FSTL4: variants seen among roughly 807,000 people sequenced by gnomAD.
FSTL4 encodes follistatin like 4.
Under a neutral mutation model 78.2 loss-of-function variants are expected in FSTL4, and 28 were observed. The observed-to-expected ratio is 0.36, with a 90% CI of 0.27 to 0.49. The LOEUF (loss-of-function observed/expected upper bound fraction) is 0.49, where lower values mean the gene tolerates loss of function less well. FSTL4 is among the 20% of genes least tolerant of loss of function. The probability of loss-of-function intolerance (pLI) is 0.98; values close to 1 mark genes in which losing one functional copy is unlikely to be tolerated. For synonymous variants in FSTL4, 422 were observed against 440.5 expected (o/e 0.96, Z 0.53); for missense variants, 922 against 1,084.9 (o/e 0.85, Z 2.11).
intron 7 of FSTL4, 33 bp from the exon 8 acceptor site, chr5:133,233,570 C>T (rs201789610): frequency 2.6e-6 from 1 of 383,192 alleles, no homozygotes; most frequent in African/African-American, 6.4e-5. Flanking sequence ...TGAGACTGGC[C>T]TCTTTATTGA....
intron 7 of FSTL4, 52 bp downstream of exon 7, chr5:133,249,358 T>A (rs1752139246): frequency 2.8e-6 from 4 of 1,428,772 alleles, no homozygotes; most frequent in Admixed American, 1.7e-5. Flanking sequence ...TTACCCAGTG[T>A]ACTCTCCCAG....
the FSTL4 span, among the ~76,000 whole-genome samples, chr5:133,766,858 G>A: frequency 4.2e-4 from 64 of 152,276 alleles, no homozygotes; most frequent in African/African-American, 1.3e-3. Flanking sequence ...GGGAGTGCCG[G>A]GTGGGTTCTT....
chr5:133,656,917 G>T, the FSTL4 span, among the ~76,000 whole-genome samples: 1 of 152,194 alleles, frequency 6.6e-6, no homozygotes, highest in Non-Finnish European at 1.5e-5. Flanking sequence ...TGTTTTAGTT[G>T]TGGTTGGATT....
chr5:133,206,889 T>C (rs1250793131), intron 14 of FSTL4, among the ~76,000 whole-genome samples: 1 of 151,342 alleles, frequency 6.6e-6, no homozygotes, highest in Non-Finnish European at 1.5e-5. Flanking sequence ...AATTCCTTGG[T>C]ACAGCTTTCT....
intron 4 of FSTL4, among the ~76,000 whole-genome samples, chr5:133,385,531 A>G (rs1347569246): frequency 6.6e-6 from 1 of 152,092 alleles, no homozygotes; most frequent in Non-Finnish European, 1.5e-5. Flanking sequence ...AGAACCCAAC[A>G]TGGGCTGCAC....
chr5:133,783,504 G>A, the FSTL4 span, among the ~76,000 whole-genome samples: 51 of 152,268 alleles, frequency 3.3e-4, no homozygotes, highest in African/African-American at 1.2e-3. Flanking sequence ...CAAACACACG[G>A]CCTCACATGT....
intron 4 of FSTL4, among the ~76,000 whole-genome samples, chr5:133,395,311 G>A (rs1755993817): frequency 1.3e-5 from 2 of 152,112 alleles, no homozygotes; most frequent in Non-Finnish European, 2.9e-5. Flanking sequence ...AACCCAGCGG[G>A]AGGAATGAAC....
At chr5:133,319,104 A>C (rs1753982867) in intron 4 of FSTL4, among the ~76,000 whole-genome samples, 1 of 152,206 alleles carries the variant, frequency 6.6e-6, no homozygotes, top group Non-Finnish European at 1.5e-5. Context: ...GGGGTGCTGC[A>C]GCATCCTCCC....
chr5:133,377,169 C>G (rs1755455062), intron 4 of FSTL4, among the ~76,000 whole-genome samples: 1 of 152,198 alleles, frequency 6.6e-6, no homozygotes. Context: ...GTCTGGGGCT[C>G]TCATCTTCCA....
the FSTL4 span, among the ~76,000 whole-genome samples, chr5:133,766,869 T>C: frequency 6.6e-6 from 1 of 152,212 alleles, no homozygotes; most frequent in Non-Finnish European, 1.5e-5. Flanking sequence ...GTGGGTTCTT[T>C]TGATGCTTCC....
intron 4 of FSTL4, among the ~76,000 whole-genome samples, chr5:133,352,405 C>CAT (rs1358562116): frequency 5.0e-4 from 75 of 149,622 alleles, no homozygotes; most frequent in Middle Eastern, 3.5e-3. Context: ...TATATATACA[C>CAT]ATATATATAT....
the FSTL4 span, among the ~76,000 whole-genome samples, chr5:133,657,353 G>A: frequency 1.3e-5 from 2 of 152,152 alleles, no homozygotes; most frequent in Non-Finnish European, 2.9e-5. Context: ...ACCAGGAAAA[G>A]AGTTAGCCCC....
Position 133,567,146 on chromosome 5 carries a change from A to G in FSTL4, c.160+40T>C, listed in dbSNP as rs373502665. 239 of 1,443,734 alleles carry G rather than the reference A, an allele frequency of 1.7e-4. 1 individual carries two copies. The highest frequency in any genetic ancestry group is 2.2e-4 in the Non-Finnish European group (230 of 1,024,714). The allele number at this position is 1,443,734 out of a possible 1,614,324, so 89.4% of individuals were successfully genotyped here. On this transcript the variant is annotated intron_variant, in intron 3 of 15. Coordinates refer to ENST00000265342, the MANE Select transcript of FSTL4 (RefSeq NM_015082.2). ...TTCAGCAAACTACTTCAAAAATGTC[A>G]ACACTGAAAATAAAATGGGTATGAG...
At chr5:133,794,371 C>T in the FSTL4 span, among the ~76,000 whole-genome samples, 1 of 152,230 alleles carries the variant, frequency 6.6e-6, no homozygotes, top group Non-Finnish European at 1.5e-5. Context: ...GGGCTGTCCC[C>T]AGGAAATCAG....
intron 2 of FSTL4, among the ~76,000 whole-genome samples, chr5:133,582,636 C>T (rs1260696477): frequency 6.6e-6 from 1 of 152,158 alleles, no homozygotes; most frequent in Non-Finnish European, 1.5e-5. Flanking sequence ...ACAGTGTCAA[C>T]CCATGGGCCA....
At chr5:133,803,750 A>T in the FSTL4 span, among the ~76,000 whole-genome samples, 1 of 152,220 alleles carries the variant, frequency 6.6e-6, no homozygotes, top group South Asian at 2.1e-4. Context: ...CACTGGGGCT[A>T]CAAAGACCCT....
chr5:133,660,148 A>T, the FSTL4 span, among the ~76,000 whole-genome samples: 1 of 152,144 alleles, frequency 6.6e-6, no homozygotes, highest in Non-Finnish European at 1.5e-5. Flanking sequence ...TTGGGAAAAC[A>T]TTCCAAATTA....
At chr5:133,571,104 A>G (rs1760144550) in intron 2 of FSTL4, among the ~76,000 whole-genome samples, 1 of 145,340 alleles carries the variant, frequency 6.9e-6, no homozygotes, top group Admixed American at 6.8e-5. Context: ...CTTGAACAAG[A>G]AAAAAAAAAG....
At chr5:133,401,844 A>G (rs1756234186) in intron 3 of FSTL4, among the ~76,000 whole-genome samples, 1 of 149,282 alleles carries the variant, frequency 6.7e-6, no homozygotes, top group African/African-American at 2.6e-5. Flanking sequence ...AGATGTGAGT[A>G]GGAGTTTTGT....
Sources: gnomAD v4.1 joint callset for allele counts (sites outside exome capture counted in the v4.1 genomes callset) on GRCh38, gnomAD v4.1.1 for gene constraint, MANE v1.5 for transcripts, NCBI Gene and HGNC (gene_info 2026-07-23, HGNC 2026-07-21) for gene names.